The following EPHA6 variants were observed in gnomAD, a reference collection of about 807,000 sequenced individuals.
EPHA6 encodes EPH receptor A6.
A neutral mutation model predicts 112.0 loss-of-function variants in EPHA6; 50 were observed. The ratio of observed to expected loss-of-function variants is 0.45; its 90% CI spans 0.36 to 0.56. The LOEUF (loss-of-function observed/expected upper bound fraction) is 0.56, where lower values mean the gene tolerates loss of function less well. Among genes scored for constraint, EPHA6 ranks in the 20% least tolerant of loss-of-function variants. The pLI, the probability that EPHA6 is intolerant of heterozygous loss-of-function variation, is 0.00. For synonymous variants in EPHA6, 529 were observed against 490.7 expected (o/e 1.08, Z -1.03); for missense variants, 1,280 against 1,417.4 (o/e 0.90, Z 1.56).
intron 11 of EPHA6, among the ~76,000 whole-genome samples, chr3:97,561,572 T>G (rs1268372140): frequency 6.6e-6 from 1 of 152,050 alleles, no homozygotes; most frequent in Non-Finnish European, 1.5e-5. Context: ...GATTGCTTTA[T>G]GAAGTTTAAA....
intron 14 of EPHA6, among the ~76,000 whole-genome samples, chr3:97,659,248 G>T (rs141538834): frequency 6.6e-6 from 1 of 151,970 alleles, no homozygotes; most frequent in East Asian, 1.9e-4. Flanking sequence ...TTAGAAAAAG[G>T]AATTATTAAA....
At chr3:97,618,184 A>G (rs2093782445) in intron 13 of EPHA6, among the ~76,000 whole-genome samples, 1 of 152,192 alleles carries the variant, frequency 6.6e-6, no homozygotes, top group Admixed American at 6.6e-5. Context: ...ACTTTTGGGT[A>G]AATAATGAAC....
chr3:97,317,791 G>T (rs1001683101), intron 5 of EPHA6, among the ~76,000 whole-genome samples: 3 of 151,966 alleles, frequency 2.0e-5, no homozygotes, highest in Non-Finnish European at 4.4e-5. Flanking sequence ...TTCTAGAACT[G>T]CATGGTGCTG....
At chr3:97,475,922 T>C (rs1454917208) in intron 8 of EPHA6, among the ~76,000 whole-genome samples, 1 of 152,112 alleles carries the variant, frequency 6.6e-6, no homozygotes, top group Non-Finnish European at 1.5e-5. Flanking sequence ...TCAAAGTAAT[T>C]TGAATAAAAT....
chr3:97,455,646 A>G (rs2090657626), intron 7 of EPHA6, among the ~76,000 whole-genome samples: 1 of 152,052 alleles, frequency 6.6e-6, no homozygotes, highest in Admixed American at 6.5e-5. Flanking sequence ...AAGACTATTT[A>G]TAAATCTCAG....
At chr3:97,022,890 A>T (rs1171443673) in intron 3 of EPHA6, among the ~76,000 whole-genome samples, 1 of 152,220 alleles carries the variant, frequency 6.6e-6, no homozygotes, top group African/African-American at 2.4e-5. Context: ...AATGAGTATT[A>T]GCAGGCCAGC....
At chr3:97,403,233 T>C (rs1192088477) in intron 5 of EPHA6, among the ~76,000 whole-genome samples, 1 of 152,004 alleles carries the variant, frequency 6.6e-6, no homozygotes, top group Non-Finnish European at 1.5e-5. Context: ...ATTAAAACAG[T>C]TTAATAATTT....
chr3:97,302,686 T>C (rs1354604323), intron 5 of EPHA6, among the ~76,000 whole-genome samples: 1 of 151,918 alleles, frequency 6.6e-6, no homozygotes, highest in Non-Finnish European at 1.5e-5. Context: ...TGGTAGACAG[T>C]TTGATCTTTG....
intron 11 of EPHA6, among the ~76,000 whole-genome samples, chr3:97,557,217 A>C (rs2093124118): frequency 6.6e-6 from 1 of 152,040 alleles, no homozygotes; most frequent in African/African-American, 2.4e-5. Flanking sequence ...GCAATTTAGA[A>C]TTCTTCTGAA....
In EPHA6 at chr3:97,569,300, T is replaced by G. The variant is rs977755045; in HGVS notation, c.2387-23312T>G. Among the ~76,000 whole-genome samples the G allele has an allele frequency of 3.3e-5, 5 of 152,216 alleles. No individual in the cohort carries two copies. In the East Asian group the frequency reaches 9.6e-4, roughly 29 times the overall value. Reference sequence around the variant, plus strand: ...AGTGTTCAATAAAAGCCTATTAAATTAATGAATAATAAAAAGATAAAGTAA... The same window carrying G: ...AGTGTTCAATAAAAGCCTATTAAATGAATGAATAATAAAAAGATAAAGTAA... On this transcript the variant is annotated intron_variant, in intron 11 of 17. Coordinates refer to ENST00000389672, the MANE Select transcript of EPHA6 (RefSeq NM_001080448.3).
At chr3:97,120,653 G>T (rs899121065) in intron 3 of EPHA6, among the ~76,000 whole-genome samples, 1 of 151,822 alleles carries the variant, frequency 6.6e-6, no homozygotes, top group Non-Finnish European at 1.5e-5. Flanking sequence ...TTTTATGTTT[G>T]TCTCATAGCT....
intron 6 of EPHA6, among the ~76,000 whole-genome samples, chr3:97,418,217 A>G (rs902013931): frequency 2.6e-5 from 4 of 151,528 alleles, no homozygotes; most frequent in East Asian, 1.9e-4. Context: ...ATCAGTATAT[A>G]CTAATAAATG....
chr3:97,610,529 G>A (rs564920976), intron 12 of EPHA6, among the ~76,000 whole-genome samples: 1 of 151,524 alleles, frequency 6.6e-6, no homozygotes, highest in Admixed American at 6.6e-5. Context: ...GTGATTGCAG[G>A]GCTTTAGGAA....
chr3:96,990,973 A>G (rs1366073221), intron 3 of EPHA6, among the ~76,000 whole-genome samples: 1 of 151,046 alleles, frequency 6.6e-6, no homozygotes, highest in Non-Finnish European at 1.5e-5. Flanking sequence ...TTCTGTGTAA[A>G]CAATTAATTA....
At chr3:97,239,982 C>T (rs1376977331) in intron 4 of EPHA6, among the ~76,000 whole-genome samples, 1 of 151,718 alleles carries the variant, frequency 6.6e-6, no homozygotes, top group Non-Finnish European at 1.5e-5. Flanking sequence ...GACTGCATAA[C>T]CTTAATGTAA....
chr3:97,085,959 A>G (rs2046887419), intron 3 of EPHA6, among the ~76,000 whole-genome samples: 1 of 148,924 alleles, frequency 6.7e-6, no homozygotes, highest in Non-Finnish European at 1.5e-5. Flanking sequence ...ACACACTGAG[A>G]TGGAGTCTCT....
At chr3:97,490,280 C>A (rs1577558165) in intron 10 of EPHA6, among the ~76,000 whole-genome samples, 1 of 151,920 alleles carries the variant, frequency 6.6e-6, no homozygotes, top group Admixed American at 6.6e-5. Flanking sequence ...TCATAGAGGA[C>A]ATTTGGGAAT....
chr3:97,402,155 TATTA>T (rs2087030401), intron 5 of EPHA6, among the ~76,000 whole-genome samples: 1 of 152,112 alleles, frequency 6.6e-6, no homozygotes, highest in African/African-American at 2.4e-5. Flanking sequence ...GTTTTGTAAC[TATTA>T]GTTAGGTCCA....
intron 3 of EPHA6, among the ~76,000 whole-genome samples, chr3:97,042,964 G>GA (rs1265687258): frequency 6.6e-6 from 1 of 152,146 alleles, no homozygotes. Context: ...AGCAGACTAG[G>GA]TAGCAGAAAG....
Sources: gnomAD v4.1 joint callset for allele counts (sites outside exome capture counted in the v4.1 genomes callset) on GRCh38, gnomAD v4.1.1 for gene constraint, MANE v1.5 for transcripts, NCBI Gene and HGNC (gene_info 2026-07-23, HGNC 2026-07-21) for gene names.